The following HIC2 variants were observed in gnomAD, a reference collection of about 807,000 sequenced individuals.
HIC2 encodes HIC ZBTB transcriptional repressor 2, also known as hypermethylated in cancer 2 protein.
HIC2 carries 2 observed loss-of-function variants against 39.5 expected under a neutral mutation model. The observed-to-expected ratio is 0.05, with a 90% confidence interval of 0.02 to 0.16. The LOEUF is 0.16. Ranked by LOEUF, HIC2 falls within the 10% of genes least tolerant of loss-of-function variation. The probability of loss-of-function intolerance (pLI) is 1.00; values close to 1 mark genes in which losing one functional copy is unlikely to be tolerated. For synonymous variants in HIC2, 399 were observed against 368.8 expected (o/e 1.08, Z -0.94); for missense variants, 713 against 863.5 (o/e 0.83, Z 2.18).
rs1407673668 is a variant in HIC2 at position 21,446,079 on chromosome 22, G to A, written c.1184G>A (p.Cys395Tyr). The A allele has an allele frequency of 6.2e-7, 1 of 1,607,674 alleles. No homozygotes were observed. The highest frequency in any genetic ancestry group is 1.3e-5 in the African/African-American group (1 of 75,044). Residue 395 changes from cysteine (C) to tyrosine (Y), a missense_variant, in exon 3 of 3, where the codon TGC becomes TAC. By Grantham distance (194) the Cys-to-Tyr change is radical (BLOSUM62 -2). Coordinates refer to ENST00000407464, the MANE Select transcript of HIC2 (RefSeq NM_015094.3). ...CCCTATGGGGAGCCCCCCTACCCCT[G>A]CAAGGAGGAGGAGGAGAACGGCAAG... ...SGPYGEPPYP[C>Y]KEEEENGKDA...
intron 1 of HIC2, among the ~76,000 whole-genome samples, chr22:21,436,143 TC>T (rs1923402113): frequency 8.3e-6 from 1 of 120,560 alleles, no homozygotes; most frequent in African/African-American, 3.1e-5. Context: ...TCCAAGGTCT[TC>T]CTGGCCTCAT....
At chr22:21,431,979 C>G (rs1923327212) in intron 1 of HIC2, among the ~76,000 whole-genome samples, 2 of 139,784 alleles carry the variant, frequency 1.4e-5, no homozygotes, top group South Asian at 5.3e-4. Flanking sequence ...TCCAAACAAT[C>G]ACAAAACTTC....
chr22:21,438,633 T>TA (rs1408195669), intron 1 of HIC2, among the ~76,000 whole-genome samples: 3 of 107,178 alleles, frequency 2.8e-5, no homozygotes, highest in Non-Finnish European at 5.2e-5. Context: ...GATCATGGGC[T>TA]AGTGGGTCCC....
intron 1 of HIC2, among the ~76,000 whole-genome samples, chr22:21,418,252 GCTGA>G (rs1462357237): frequency 1.0e-5 from 1 of 99,456 alleles, no homozygotes; most frequent in Non-Finnish European, 2.0e-5. Context: ...GGACCGGCTG[GCTGA>G]GGGAGGGGGC....
chr22:21,446,058 A>G lies in HIC2; in HGVS notation c.1163A>G (p.Tyr388Cys), dbSNP rs745765003. ...LASGAGPSGP[Y>C]GEPPYPCKEE... ...AGTGGGGCTGGCCCTAGCGGGCCCT[A>G]TGGGGAGCCCCCCTACCCCTGCAAG... The change falls in exon 3 of 3, where the codon TAT becomes TGT. Residue 388 changes from tyrosine to cysteine, a missense_variant. Coordinates refer to ENST00000407464, the MANE Select transcript of HIC2 (RefSeq NM_015094.3). 15 of 1,605,962 alleles carry G rather than the reference A, an allele frequency of 9.3e-6. No individual in the cohort carries two copies. The highest frequency in any genetic ancestry group is 1.3e-5 in the Non-Finnish European group (15 of 1,178,510).
At position 21,445,542 on chromosome 22, in the gene HIC2, G is replaced by A. The variant is rs200963175; in HGVS notation, c.647G>A (p.Arg216Gln). The A allele has an allele frequency of 3.3e-4, 534 of 1,600,672 alleles. No individual in the cohort carries two copies. The highest frequency in any genetic ancestry group is 2.1e-4 in the Non-Finnish European group (252 of 1,174,826). ...SNQDSVQGLG[R>Q]AVCPAGGEAG... ...CAGGATAGCGTGCAAGGTCTGGGCC[G>A]GGCTGTCTGCCCAGCTGGCGGGGAG... is the stretch of plus-strand genomic sequence containing the variant. The change falls in exon 3 of 3, where the codon CGG becomes CAG. Residue 216 changes from arginine to glutamine, a missense_variant. Physicochemically the swap from Arg to Gln is conservative, Grantham distance 43. Around this residue, in one of 5 missense-constraint regions of HIC2, gnomAD observed 457 missense variants for 420.2 expected, o/e 1.09. Coordinates refer to ENST00000407464, the MANE Select transcript of HIC2 (RefSeq NM_015094.3).
At chr22:21,432,110 G>T (rs1923335825) in intron 1 of HIC2, among the ~76,000 whole-genome samples, 1 of 108,550 alleles carries the variant, frequency 9.2e-6, no homozygotes, top group South Asian at 4.4e-4. Flanking sequence ...TTTGTGTGTT[G>T]ATTACCTATG....
At chr22:21,443,524 G>A (rs1013636757) in intron 2 of HIC2, among the ~76,000 whole-genome samples, 1 of 152,096 alleles carries the variant, frequency 6.6e-6, no homozygotes, top group Non-Finnish European at 1.5e-5. Context: ...CCCAGAGGGC[G>A]GTGGGCTCAG....
chr22:21,444,822 A>G (rs1923708246), intron 2 of HIC2, 100 bp from the exon 3 acceptor site: 4 of 1,331,094 alleles, frequency 3.0e-6, no homozygotes, highest in Non-Finnish European at 4.1e-6. Context: ...ATGTGGGGTC[A>G]GTTCTGAGGC....
Position 21,446,173 on chromosome 22 carries a change from G to T in HIC2, c.1278G>T (p.Met426Ile). 6.2e-7 allele frequency: 1 copy of T among 1,610,286 alleles called. No individual in the cohort carries two copies. Residue 426 changes from methionine to isoleucine, a missense_variant, in exon 3 of 3, where the codon ATG becomes ATT. Physicochemically the swap from Met to Ile is conservative, Grantham distance 10 (BLOSUM62 1). Coordinates refer to ENST00000407464, the MANE Select transcript of HIC2 (RefSeq NM_015094.3). The part of the protein sequence containing the change: ...GGSGHASAHY[M>I]YRQEGYETVS... ...GCGGCCATGCCAGCGCCCACTACAT[G>T]TACCGGCAGGAGGGCTACGAGACGG...
At chr22:21,419,171 G>C (rs956082208) in intron 1 of HIC2, among the ~76,000 whole-genome samples, 3 of 152,272 alleles carry the variant, frequency 2.0e-5, no homozygotes, top group African/African-American at 7.2e-5. Context: ...ACTGAGTCCT[G>C]TGGCGCAGGA....
Position 21,445,859 on chromosome 22 carries a change from C to A in HIC2, c.964C>A (p.Pro322Thr). 1 of 1,595,200 alleles carries A rather than the reference C, an allele frequency of 6.3e-7. No homozygotes were observed. The highest frequency in any genetic ancestry group is 8.5e-7 in the Non-Finnish European group (1 of 1,171,662). Reference sequence around the variant, plus strand: ...CAACCACCTGAGCCTGCTGGAGGCGCCTGGTGGGCAGCCTCGGAAGAGCCT... The same window carrying A: ...CAACCACCTGAGCCTGCTGGAGGCGACTGGTGGGCAGCCTCGGAAGAGCCT... ...EDNHLSLLEAPGGQPRKSLRH... is the reference protein window; with the variant it reads ...EDNHLSLLEATGGQPRKSLRH... The change falls in exon 3 of 3, where the codon CCT (proline) becomes ACT (threonine). Residue 322 changes from proline (P) to threonine (T), a missense_variant. Pro to Thr is a conservative substitution (Grantham distance 38). Coordinates refer to ENST00000407464, the MANE Select transcript of HIC2 (RefSeq NM_015094.3).
rs1271050702 is a variant in HIC2, at chr22:21,450,852, G to A, written c.*4109G>A. ...CAGGACCCCCTTCCTAGGATGCCCC[G>A]GCTTCAGTCACCCCACTTTAACTTT... On this transcript the variant is annotated 3_prime_UTR_variant, in exon 3 of 3. Transcript: ENST00000407464. 4.6e-5 allele frequency: 7 copies of A among 152,650 alleles called. No individual in the cohort carries two copies. The highest frequency in any genetic ancestry group is 9.7e-5 in the African/African-American group (4 of 41,394). 9.5% of individuals were successfully genotyped at this position (152,650 alleles called of 1,614,324 possible).
Position 21,445,875 on chromosome 22 carries a change from G to A in HIC2, c.980G>A (p.Arg327Gln), listed in dbSNP as rs778525789. 4.4e-6 allele frequency: 7 copies of A among 1,598,842 alleles called. No homozygotes were observed. The highest frequency in any genetic ancestry group is 2.2e-5 in the East Asian group (1 of 44,652). The change falls in exon 3 of 3, where the codon CGG (arginine) becomes CAG (glutamine). Residue 327 changes from arginine to glutamine, a missense_variant. By Grantham distance (43) the Arg-to-Gln change is conservative. Coordinates refer to ENST00000407464, the MANE Select transcript of HIC2 (RefSeq NM_015094.3). ...CTGGAGGCGCCTGGTGGGCAGCCTC[G>A]GAAGAGCCTCCGGCACTCCACTCGG... is the stretch of plus-strand genomic sequence containing the variant. Reference protein sequence around the residue: ...SLLEAPGGQPRKSLRHSTRKK... With the variant: ...SLLEAPGGQPQKSLRHSTRKK...
At chr22:21,421,589 G>A (rs1257794428) in intron 1 of HIC2, among the ~76,000 whole-genome samples, 2 of 86,272 alleles carry the variant, frequency 2.3e-5, no homozygotes, top group African/African-American at 5.9e-5. Flanking sequence ...GTGCAGCCTC[G>A]GTGTTAGAAC....
chr22:21,450,277 CAG>C lies in HIC2; in HGVS notation c.*3538_*3539del, dbSNP rs1456476811. On this transcript the variant is annotated 3_prime_UTR_variant, in exon 3 of 3. Transcript: ENST00000407464. ...TGAACCTTTAAGCAAATAAGAATCT[CAG>C]AGACTCGCAGCATAGCCATACACCT... is the stretch of plus-strand genomic sequence containing the variant. 4 of 152,872 alleles carry C rather than the reference CAG, an allele frequency of 2.6e-5. No individual in the cohort carries two copies. The highest frequency in any genetic ancestry group is 7.2e-5 in the African/African-American group (3 of 41,560). 9.5% of individuals were successfully genotyped at this position (152,872 alleles called of 1,614,324 possible). A position where few individuals can be genotyped will look rare whatever the true frequency, so the allele number is the denominator to read the frequency against.
At position 21,445,440 on chromosome 22, in the gene HIC2, G is replaced by T. The variant is rs371166847; in HGVS notation, c.545G>T (p.Arg182Leu). 2.7e-5 allele frequency: 42 copies of T among 1,532,412 alleles called. No individual in the cohort carries two copies. In the Admixed American group the frequency reaches 3.1e-4, roughly 11 times the overall value. The allele number at this position is 1,532,412 out of a possible 1,614,324, so 94.9% of individuals were successfully genotyped here. ...QARYQGLVDG[R>L]KGAHAPQELP... ...CGGTATCAGGGGCTCGTGGATGGGC[G>T]CAAGGGGGCCCACGCCCCCCAGGAG... Residue 182 changes from arginine to leucine, a missense_variant, in exon 3 of 3, where the codon CGC becomes CTC. Transcript: ENST00000407464.
Position 21,446,976 on chromosome 22 carries a change from CCCCCAGCT to C in HIC2, c.*238_*245del. On this transcript the variant is annotated 3_prime_UTR_variant, in exon 3 of 3. Transcript: ENST00000407464. ...CGTCTACCTCCCCATCCCACCCAGG[CCCCCAGCT>C]CCCCGCGGGGGCCACCGCAGGGCCT... The C allele has an allele frequency of 1.7e-6, 1 of 589,296 alleles. No individual in the cohort carries two copies. The highest frequency in any genetic ancestry group is 2.9e-6 in the Non-Finnish European group (1 of 349,604). The allele number at this position is 589,296 out of a possible 1,614,324, so 36.5% of individuals were successfully genotyped here.
chr22:21,446,355 A>C lies in HIC2; in HGVS notation c.1460A>C (p.Glu487Ala). ...YETGSGGAEE[E>A]AEDLSAPSAA... ...ACAGGCAGTGGGGGTGCCGAGGAGGAGGCCGAGGACCTGTCAGCACCCAGT... is the reference window on the plus strand; with the variant it reads ...ACAGGCAGTGGGGGTGCCGAGGAGGCGGCCGAGGACCTGTCAGCACCCAGT... The change falls in exon 3 of 3, where the codon GAG becomes GCG. Residue 487 changes from glutamate (E) to alanine (A), a missense_variant. Glu to Ala is a moderately radical substitution (Grantham distance 107, BLOSUM62 -1). Transcript: ENST00000407464. 3.1e-6 allele frequency: 5 copies of C among 1,612,812 alleles called. No homozygotes were observed. The highest frequency in any genetic ancestry group is 4.2e-6 in the Non-Finnish European group (5 of 1,179,974).
Sources: gnomAD v4.1 joint callset for allele counts (sites outside exome capture counted in the v4.1 genomes callset) on GRCh38, gnomAD v4.1.1 for gene constraint, gnomAD v4.1.1 regional missense constraint, MANE v1.5 for transcripts, NCBI Gene and HGNC (gene_info 2026-07-23, HGNC 2026-07-21) for gene names.